SRGAP2: variants seen among roughly 807,000 people sequenced by gnomAD.
SRGAP2 encodes the protein SLIT-ROBO Rho GTPase-activating protein 2.
Under a neutral mutation model 57.2 loss-of-function variants are expected in SRGAP2, and 15 were observed. The ratio of observed to expected loss-of-function variants is 0.26; its 90% CI spans 0.18 to 0.40. The LOEUF (loss-of-function observed/expected upper bound fraction) is 0.40. Among genes scored for constraint, SRGAP2 ranks in the 10% least tolerant of loss-of-function variants. The probability of loss-of-function intolerance (pLI) is 1.00; values close to 1 mark genes in which losing one functional copy is unlikely to be tolerated. For synonymous variants in SRGAP2, 249 were observed against 248.0 expected (o/e 1.00, Z -0.04); for missense variants, 520 against 669.6 (o/e 0.78, Z 2.47).
intron 4 of SRGAP2, among the ~76,000 whole-genome samples, chr1:206,351,066 G>A (rs1676004339): frequency 6.6e-6 from 1 of 152,194 alleles, no homozygotes; most frequent in Admixed American, 6.5e-5. Context: ...TATCTGTTTG[G>A]TATCCATTTG....
chr1:206,377,436 A>G (rs1198157857), intron 4 of SRGAP2, among the ~76,000 whole-genome samples: 12 of 151,462 alleles, frequency 7.9e-5, no homozygotes, highest in Admixed American at 5.9e-4. Context: ...GACAAACTCA[A>G]AGAAAAAGAA....
chr1:206,432,139 G>A (rs1464790916), intron 14 of SRGAP2, among the ~76,000 whole-genome samples: 1 of 152,216 alleles, frequency 6.6e-6, no homozygotes, highest in Non-Finnish European at 1.5e-5. Flanking sequence ...AACTGCAGTA[G>A]CCTGAGGAAG....
At chr1:206,404,705 C>G (rs1185281543) in intron 8 of SRGAP2, among the ~76,000 whole-genome samples, 3 of 152,178 alleles carry the variant, frequency 2.0e-5, no homozygotes, top group Non-Finnish European at 4.4e-5. Flanking sequence ...GATTCCATAC[C>G]CCCTCGGGCC....
chr1:206,282,045 C>T (rs1382475612), intron 2 of SRGAP2, among the ~76,000 whole-genome samples: 1 of 125,638 alleles, frequency 8.0e-6, no homozygotes, highest in Non-Finnish European at 1.6e-5. Flanking sequence ...TACAGAAGTT[C>T]TATCAAAGCA....
At chr1:206,228,412 T>C (rs1365466986) in intron 2 of SRGAP2, among the ~76,000 whole-genome samples, 1 of 150,612 alleles carries the variant, frequency 6.6e-6, no homozygotes, top group African/African-American at 2.4e-5. Flanking sequence ...TATATAAAAC[T>C]TATTATGCAA....
At chr1:206,441,154 G>T (rs551755788) in intron 17 of SRGAP2, among the ~76,000 whole-genome samples, 7 of 152,334 alleles carry the variant, frequency 4.6e-5, no homozygotes, top group African/African-American at 7.2e-5. Flanking sequence ...AGAAGACAAG[G>T]TGTGGAGAAA....
At chr1:206,449,523 C>CA (rs1663089461) in intron 18 of SRGAP2, among the ~76,000 whole-genome samples, 1 of 150,662 alleles carries the variant, frequency 6.6e-6, no homozygotes, top group African/African-American at 2.4e-5. Flanking sequence ...CTCCTAGACT[C>CA]AAATGATCCT....
At chr1:206,290,641 CAAAAAAAAAAA>C (rs1237811129) in intron 2 of SRGAP2, among the ~76,000 whole-genome samples, 1 of 45,210 alleles carries the variant, frequency 2.2e-5, no homozygotes, top group Non-Finnish European at 4.7e-5. Flanking sequence ...GACTCCATCT[CAAAAAAAAAAA>C]AAAAAAAAAA....
chr1:206,449,973 A>G (rs916566236), intron 18 of SRGAP2, among the ~76,000 whole-genome samples: 1 of 152,252 alleles, frequency 6.6e-6, no homozygotes, highest in Admixed American at 6.5e-5. Flanking sequence ...GCTACCAAGT[A>G]TCAGAGCTGG....
At position 206,450,361 on chromosome 1, in the gene SRGAP2, C is replaced by G. The variant is rs868964929; in HGVS notation, c.2100-25C>G. On this transcript the variant is annotated intron_variant, in intron 18 of 22. Coordinates refer to ENST00000573034, the MANE Select transcript of SRGAP2 (RefSeq NM_015326.5). ...AATTTTATGAGCACATGTTAATGTC[C>G]CTGTCACTCTTGCTTCTGTTGCAGT... is the stretch of plus-strand genomic sequence containing the variant. The G allele has an allele frequency of 9.0e-6, 7 of 780,170 alleles. 1 individual carries two copies. The highest frequency in any genetic ancestry group is 4.5e-4 in the Middle Eastern group (2 of 4,440). 48.3% of individuals were successfully genotyped at this position (780,170 alleles called of 1,614,324 possible).
chr1:206,234,534 T>C (rs545132389), intron 2 of SRGAP2, among the ~76,000 whole-genome samples: 6 of 152,336 alleles, frequency 3.9e-5, no homozygotes, highest in African/African-American at 1.4e-4. Context: ...CAGGGGCCTC[T>C]TGAACTATGG....
At chr1:206,389,165 C>CTTTTTT (rs71274650) in intron 5 of SRGAP2, among the ~76,000 whole-genome samples, 3 of 73,120 alleles carry the variant, frequency 4.1e-5, no homozygotes, top group African/African-American at 1.9e-4. Context: ...CTCAGACTTC[C>CTTTTTT]TTTTTTTTTT....
At chr1:206,360,648 G>A (rs567246702) in intron 4 of SRGAP2, among the ~76,000 whole-genome samples, 1 of 152,276 alleles carries the variant, frequency 6.6e-6, no homozygotes, top group South Asian at 2.1e-4. Context: ...TTGATATGGT[G>A]TATGAAAAAA....
chr1:206,378,517 A>G (rs1457321769), intron 4 of SRGAP2, among the ~76,000 whole-genome samples: 2 of 152,234 alleles, frequency 1.3e-5, no homozygotes, highest in Admixed American at 1.3e-4. Context: ...AAAAAAGATA[A>G]AAGAATAGGA....
intron 10 of SRGAP2, among the ~76,000 whole-genome samples, chr1:206,415,362 C>G (rs1435255409): frequency 6.6e-6 from 1 of 152,218 alleles, no homozygotes; most frequent in Non-Finnish European, 1.5e-5. Context: ...TCCATAAAGA[C>G]TCCATGCAGA....
chr1:206,385,570 G>A (rs577350941), intron 5 of SRGAP2, among the ~76,000 whole-genome samples: 64 of 150,576 alleles, frequency 4.3e-4, no homozygotes, highest in African/African-American at 1.6e-3. Flanking sequence ...CACTTCTTCA[G>A]TGGGACTCAA....
chr1:206,434,963 C>T (rs561324004), intron 14 of SRGAP2, among the ~76,000 whole-genome samples: 1 of 152,364 alleles, frequency 6.6e-6, no homozygotes, highest in African/African-American at 2.4e-5. Context: ...GTGGCTGTTT[C>T]TCTCAAAGCA....
chr1:206,384,470 G>C lies in SRGAP2; in HGVS notation c.486+394G>C, dbSNP rs528821156. Among the ~76,000 whole-genome samples, 1,355 of 150,930 alleles carry C rather than the reference G, an allele frequency of 9.0e-3. 22 individuals carry two copies. The highest frequency in any genetic ancestry group is 0.032 in the African/African-American group (1,282 of 40,300). On this transcript the variant is annotated intron_variant, in intron 5 of 22. Transcript: ENST00000573034. ...TGTCGGAAAGCCTTTATTGTTCTAGGTTTTTCATCAGATCTTGGATTGATG... is the reference window on the plus strand; with the variant it reads ...TGTCGGAAAGCCTTTATTGTTCTAGCTTTTTCATCAGATCTTGGATTGATG...
intron 4 of SRGAP2, among the ~76,000 whole-genome samples, chr1:206,372,956 T>TTTCTTTCTTTC (rs1416086064): frequency 0.013 from 119 of 9,206 alleles, 26 homozygotes; most frequent in East Asian, 0.023. Context: ...TCTTTCTTTC[T>TTTCTTTCTTTC]TTTCTTTCCT....
Sources: allele counts gnomAD v4.1 joint callset (sites outside exome capture counted in the v4.1 genomes callset), GRCh38; gene constraint gnomAD v4.1.1; transcripts MANE v1.5; gene names NCBI Gene and HGNC (gene_info 2026-07-23, HGNC 2026-07-21).